The following EML6 variants were observed in gnomAD, a reference collection of about 807,000 sequenced individuals.
The protein encoded by EML6 is EMAP like 6, also known as echinoderm microtubule-associated protein-like 6.
Under a neutral mutation model 240.1 loss-of-function variants are expected in EML6, and 154 were observed. That is an observed-to-expected ratio of 0.64 (90% CI 0.56 to 0.73). The LOEUF (loss-of-function observed/expected upper bound fraction) is 0.73. Among genes scored for constraint, EML6 ranks in the 30% least tolerant of loss-of-function variants. The pLI, the probability that EML6 is intolerant of heterozygous loss-of-function variation, is 0.00. For missense variants in EML6, 2,964 were observed against 2,474.6 expected (o/e 1.20, Z -4.20); for synonymous variants, 1,148 against 899.0 (o/e 1.28, Z -4.95).
intron 2 of EML6, among the ~76,000 whole-genome samples, chr2:54,759,869 C>CAT (rs149754384): frequency 0.018 from 2,609 of 148,624 alleles, 52 homozygotes; most frequent in African/African-American, 0.047. Context: ...TCCTTCCCTC[C>CAT]ATATATATAT....
At chr2:54,868,548 C>T (rs574657544) in intron 14 of EML6, 1 of 152,180 alleles carries the variant, frequency 6.6e-6, no homozygotes, top group Admixed American at 6.5e-5. Flanking sequence ...TTATTCAATT[C>T]TTCAGACTCC....
At chr2:54,841,492 T>C (rs947792790) in intron 7 of EML6, among the ~76,000 whole-genome samples, 2 of 152,080 alleles carry the variant, frequency 1.3e-5, no homozygotes, top group African/African-American at 4.8e-5. Flanking sequence ...CACAGTGAAG[T>C]GATTAAGATC....
In EML6 at chr2:54,725,012, G is replaced by C; in HGVS notation, c.-50G>C. 7.0e-7 allele frequency: 1 copy of C among 1,422,000 alleles called. No homozygotes were observed. The highest frequency in any genetic ancestry group is 1.5e-5 in the South Asian group (1 of 66,956). 88.1% of individuals were successfully genotyped at this position (1,422,000 alleles called of 1,614,324 possible). Reference sequence around the variant, plus strand: ...TCCGCCGCAGCCCCAGCCTCGGCGAGGACGGCCCCGGCGCGCGGGGGGGCG... The same window carrying C: ...TCCGCCGCAGCCCCAGCCTCGGCGACGACGGCCCCGGCGCGCGGGGGGGCG... On this transcript the variant is annotated 5_prime_UTR_variant, in exon 2 of 42. Transcript: ENST00000356458. The surrounding 1 kb of genome is among the most constrained non-coding windows in gnomAD (Gnocchi z 4.3).
chr2:54,924,540 C>T (rs1473373749), intron 26 of EML6, among the ~76,000 whole-genome samples: 2 of 152,004 alleles, frequency 1.3e-5, no homozygotes, highest in Non-Finnish European at 2.9e-5. Context: ...TTGATAAAAT[C>T]ACTTATTTTT....
intron 28 of EML6, among the ~76,000 whole-genome samples, chr2:54,938,461 T>C (rs1006127534): frequency 5.9e-5 from 9 of 152,188 alleles, no homozygotes; most frequent in African/African-American, 2.2e-4. Flanking sequence ...CCATGCTTAT[T>C]GGCATTTTTC....
intron 13 of EML6, 139 bp from the exon 14 acceptor site, chr2:54,866,627 G>C: frequency 4.2e-6 from 2 of 475,952 alleles, no homozygotes; most frequent in South Asian, 9.4e-5. Context: ...TTAGGAAAAA[G>C]TAATATTCAT....
rs190601080 is a variant in EML6 at position 54,788,325 on chromosome 2, C to T, written c.198-24907C>T. On this transcript the variant is annotated intron_variant, in intron 2 of 41. Coordinates refer to ENST00000356458, the MANE Select transcript of EML6 (RefSeq NM_001039753.4). ...TATTTCATGTGTTTTGTTGTGCCGGCTCCTGTGTCTCACTTGAACCTAACT... is the reference window on the plus strand; with the variant it reads ...TATTTCATGTGTTTTGTTGTGCCGGTTCCTGTGTCTCACTTGAACCTAACT... Among the ~76,000 whole-genome samples, 7 of 152,302 alleles carry T rather than the reference C, an allele frequency of 4.6e-5. No individual in the cohort carries two copies. The East Asian group carries it at 1.4e-3, about 29-fold the overall frequency.
chr2:54,789,543 A>AAAAAAAAAAAG (rs1669308341), intron 2 of EML6, among the ~76,000 whole-genome samples: 2 of 145,656 alleles, frequency 1.4e-5, no homozygotes, highest in Non-Finnish European at 3.0e-5. Context: ...AAAAAAAAAA[A>AAAAAAAAAAAG]AAAAAGAAAA....
At chr2:54,923,759 C>T (rs1161447342) in intron 26 of EML6, among the ~76,000 whole-genome samples, 1 of 152,098 alleles carries the variant, frequency 6.6e-6, no homozygotes, top group Non-Finnish European at 1.5e-5. Flanking sequence ...CATTGCCACC[C>T]CAGGCTGCTT....
chr2:54,863,785 G>C lies in EML6; in HGVS notation c.1828G>C (p.Gly610Arg). The change falls in exon 13 of 42, where the codon GGT (glycine) becomes CGT (arginine). Residue 610 changes from glycine to arginine, a missense_variant and splice_region_variant. Coordinates refer to ENST00000356458, the MANE Select transcript of EML6 (RefSeq NM_001039753.4). The stretch of plus-strand genomic sequence containing the variant: ...TCTTGTGGGTTGTATCTCTGCAGAA[G>C]GTGGAGCTGATTCCTACAGTGAAGA... ...NGMLETAPQEGGADSYSEESD... is the reference protein window; with the variant it reads ...NGMLETAPQERGADSYSEESD... 6.5e-7 allele frequency: 1 copy of C among 1,529,350 alleles called. No individual in the cohort carries two copies. The highest frequency in any genetic ancestry group is 8.9e-7 in the Non-Finnish European group (1 of 1,128,180). 94.7% of individuals were successfully genotyped at this position (1,529,350 alleles called of 1,614,324 possible).
chr2:54,960,707 C>T (rs1676456636), intron 35 of EML6, among the ~76,000 whole-genome samples: 1 of 152,038 alleles, frequency 6.6e-6, no homozygotes, highest in Non-Finnish European at 1.5e-5. Flanking sequence ...AATAGTTTGC[C>T]CATGCCCTAA....
At chr2:54,864,004 CAAG>C in intron 13 of EML6, 115 bp downstream of exon 13, 2 of 603,184 alleles carry the variant, frequency 3.3e-6, no homozygotes, top group Non-Finnish European at 5.8e-6. Context: ...GAGGCAAAAA[CAAG>C]AAAAATAGTC....
chr2:54,907,650 T>A (rs1673392873), intron 24 of EML6, among the ~76,000 whole-genome samples: 1 of 152,198 alleles, frequency 6.6e-6, no homozygotes, highest in African/African-American at 2.4e-5. Context: ...GCTGGGATGA[T>A]GTATGTGGAT....
chr2:54,777,648 G>A (rs1279587287), intron 2 of EML6, among the ~76,000 whole-genome samples: 1 of 152,120 alleles, frequency 6.6e-6, no homozygotes, highest in Non-Finnish European at 1.5e-5. Context: ...GGAGTCATGA[G>A]TTCTGTTGGG....
intron 2 of EML6, among the ~76,000 whole-genome samples, chr2:54,802,967 G>A (rs796400692): frequency 3.3e-5 from 5 of 152,132 alleles, no homozygotes; most frequent in African/African-American, 9.7e-5. Flanking sequence ...AAGAGTCAAC[G>A]ATGGGTTTCC....
intron 28 of EML6, among the ~76,000 whole-genome samples, chr2:54,942,316 TAAAAG>T (rs1241077838): frequency 1.3e-5 from 2 of 152,246 alleles, no homozygotes; most frequent in African/African-American, 4.8e-5. Flanking sequence ...CTTATGGAGA[TAAAAG>T]AACACTTCAA....
intron 38 of EML6, among the ~76,000 whole-genome samples, chr2:54,965,638 G>A (rs776744040): frequency 2.6e-5 from 4 of 152,110 alleles, no homozygotes; most frequent in African/African-American, 4.8e-5. Context: ...GAAATCATAG[G>A]GAGTTGAAGC....
chr2:54,921,750 A>T (rs535691646), intron 26 of EML6, among the ~76,000 whole-genome samples: 1 of 152,170 alleles, frequency 6.6e-6, no homozygotes, highest in Non-Finnish European at 1.5e-5. Context: ...ATGAAACAGA[A>T]TAAAGATGCC....
chr2:54,865,911 A>G (rs989837171), intron 13 of EML6, among the ~76,000 whole-genome samples: 8 of 152,248 alleles, frequency 5.3e-5, no homozygotes, highest in African/African-American at 1.9e-4. Flanking sequence ...CAATAGAAAT[A>G]TCAAGACTAG....
Sources: allele counts gnomAD v4.1 joint callset (sites outside exome capture counted in the v4.1 genomes callset), GRCh38; gene constraint gnomAD v4.1.1; non-coding constraint Gnocchi (gnomAD v3.1); transcripts MANE v1.5; gene names NCBI Gene and HGNC (gene_info 2026-07-23, HGNC 2026-07-21).